The following SNRNP70 variants were observed in gnomAD, a reference collection of about 807,000 sequenced individuals.
The protein encoded by SNRNP70 is U1 small nuclear ribonucleoprotein 70 kDa.
SNRNP70 carries 8 observed loss-of-function variants against 50.5 expected under a neutral mutation model. The observed-to-expected ratio is 0.16, with a 90% CI of 0.09 to 0.29. SNRNP70 has a LOEUF of 0.29. SNRNP70 is among the 10% of genes least tolerant of loss of function. The probability of loss-of-function intolerance (pLI) is 1.00; values close to 1 mark genes in which losing one functional copy is unlikely to be tolerated. For missense variants in SNRNP70, 529 were observed against 663.5 expected, an observed-to-expected ratio of 0.80 and a Z score of 2.23; for synonymous variants, 320 against 252.9, an observed-to-expected ratio of 1.27 and a Z score of -2.52.
Position 49,104,597 on chromosome 19 carries a change from G to T in SNRNP70, c.476-37G>T. On this transcript the variant is annotated intron_variant, in intron 7 of 9. Coordinates refer to ENST00000598441, the MANE Select transcript of SNRNP70 (RefSeq NM_003089.6). The surrounding 1 kb of genome is among the most constrained non-coding windows in gnomAD (Gnocchi z 5.4). Reference sequence around the variant, plus strand: ...TGTCCTGACTAGAGGACCCTCTGGGGACTCCTCTCCCCTCCCCCTCCCCAC... The same window carrying T: ...TGTCCTGACTAGAGGACCCTCTGGGTACTCCTCTCCCCTCCCCCTCCCCAC... 6.7e-7 allele frequency: 1 copy of T among 1,495,068 alleles called. No homozygotes were observed. 92.6% of individuals were successfully genotyped at this position (1,495,068 alleles called of 1,614,324 possible). A position where few individuals can be genotyped will look rare whatever the true frequency, so the allele number is the denominator to read the frequency against.
At chr19:49,087,213 AC>A (rs1346586986) in intron 2 of SNRNP70, among the ~76,000 whole-genome samples, 1 of 149,894 alleles carries the variant, frequency 6.7e-6, no homozygotes, top group Non-Finnish European at 1.5e-5. Flanking sequence ...GGTTGATAGT[AC>A]ACCTTTTGTA....
In SNRNP70 at chr19:49,107,179, G is replaced by T. The variant is rs1339692057; in HGVS notation, c.578-446G>T. ...GCCAAGAGCCGCGGCTCAGACGCTAGCAGGGCCCGCTCTTGCTGCCTCTAC... is the reference window on the plus strand; with the variant it reads ...GCCAAGAGCCGCGGCTCAGACGCTATCAGGGCCCGCTCTTGCTGCCTCTAC... On this transcript the variant is annotated intron_variant, in intron 8 of 9. Coordinates refer to ENST00000598441, the MANE Select transcript of SNRNP70 (RefSeq NM_003089.6). This position sits in a 1 kb window ranked among gnomAD's most constrained non-coding sequence, Gnocchi z 6.0. Among the ~76,000 whole-genome samples the T allele has an allele frequency of 6.6e-6, 1 of 152,218 alleles. No homozygotes were observed. The highest frequency in any genetic ancestry group is 2.4e-5 in the African/African-American group (1 of 41,458).
At chr19:49,101,671 C>CGT (rs375331090) in intron 7 of SNRNP70, 200 bp downstream of exon 7, 181 of 566,090 alleles carry the variant, frequency 3.2e-4, no homozygotes, top group South Asian at 1.7e-3. Context: ...TCCCCCACAA[C>CGT]GTGTGTGTGT....
chr19:49,091,839 C>T (rs1394854086), intron 4 of SNRNP70, among the ~76,000 whole-genome samples: 2 of 152,206 alleles, frequency 1.3e-5, no homozygotes, highest in African/African-American at 4.8e-5. Context: ...GGGGTTTTCC[C>T]TCGCCACCAA....
chr19:49,096,063 G>A (rs991028190), intron 4 of SNRNP70, among the ~76,000 whole-genome samples: 6 of 149,798 alleles, frequency 4.0e-5, no homozygotes, highest in East Asian at 2.0e-4. Context: ...GGCAAGGAAC[G>A]TTTTTTGTTT....
At chr19:49,102,072 A>G in intron 7 of SNRNP70, 1 of 1,099,740 alleles carries the variant, frequency 9.1e-7, no homozygotes, top group Non-Finnish European at 1.2e-6. Flanking sequence ...CGGCGTGTCC[A>G]GGGGCCGCCG....
chr19:49,092,257 C>T (rs147181867), intron 4 of SNRNP70, among the ~76,000 whole-genome samples: 2,314 of 152,040 alleles, frequency 0.015, 52 homozygotes, highest in African/African-American at 0.052. Context: ...TACAGGCGTG[C>T]GTCACCACGC....
intron 8 of SNRNP70, among the ~76,000 whole-genome samples, chr19:49,106,501 AGT>A (rs1490452182): frequency 6.6e-6 from 1 of 152,192 alleles, no homozygotes; most frequent in Non-Finnish European, 1.5e-5. Context: ...AGGAAAGGCT[AGT>A]CTAGCTGCCC....
Position 49,097,918 on chromosome 19 carries a change from C to T in SNRNP70, c.266-509C>T, listed in dbSNP as rs575715418. On this transcript the variant is annotated intron_variant, in intron 4 of 9. Transcript: ENST00000598441. ...CAGAGCTTACTTAGTGTTTGCTTTC[C>T]TGGCTCTCATTCTTAGCCTTGGGGC... Among the ~76,000 whole-genome samples the T allele has an allele frequency of 2.0e-5, 3 of 152,316 alleles. No homozygotes were observed. In the South Asian group the frequency reaches 6.2e-4, roughly 32 times the overall value.
At chr19:49,099,030 T>C (rs117167710) in intron 6 of SNRNP70, among the ~76,000 whole-genome samples, 4,484 of 152,286 alleles carry the variant, frequency 0.029, 91 homozygotes, top group Middle Eastern at 0.065. Context: ...GTTGCAACAG[T>C]ATACGGCCGT....
chr19:49,099,276 C>T (rs1046199470), intron 6 of SNRNP70, among the ~76,000 whole-genome samples: 4 of 152,212 alleles, frequency 2.6e-5, no homozygotes, highest in East Asian at 3.9e-4. Context: ...GTTTCTGATA[C>T]GTCTTTTAAA....
chr19:49,092,102 G>T (rs1228315017), intron 4 of SNRNP70, among the ~76,000 whole-genome samples: 1 of 148,166 alleles, frequency 6.7e-6, no homozygotes, highest in Admixed American at 6.6e-5. Context: ...ATGTCTTTTT[G>T]TTTGTTTGTT....
intron 4 of SNRNP70, among the ~76,000 whole-genome samples, chr19:49,097,623 T>G (rs2040529929): frequency 6.6e-6 from 1 of 152,084 alleles, no homozygotes; most frequent in African/African-American, 2.4e-5. Flanking sequence ...ACCGGCAGAG[T>G]GTCCTTAAGG....
intron 2 of SNRNP70, 41 bp from the exon 3 acceptor site, chr19:49,090,250 C>T (rs2122314549): frequency 6.3e-7 from 1 of 1,579,256 alleles, no homozygotes; most frequent in Non-Finnish European, 8.7e-7. Flanking sequence ...TGCCATTTCC[C>T]CCAGTCCTTC....
chr19:49,090,862 C>G (rs557873553), intron 4 of SNRNP70, among the ~76,000 whole-genome samples: 26 of 152,144 alleles, frequency 1.7e-4, no homozygotes, highest in Admixed American at 1.1e-3. Flanking sequence ...CCTTAGGTCC[C>G]CAACCCTTGG....
In SNRNP70 at chr19:49,108,005, C is replaced by T. The variant is rs2040698590; in HGVS notation, c.876C>T (p.Ser292=). ...AGGACCGGGACCGGAAGCGGCGAAG[C>T]AGCCGGAGTCGGGAGCGGGCCCGGC... ...KDKDRDRKRR[S]SRSRERARRE... is the part of the protein sequence containing the mutation. The change falls in exon 10 of 10, where the codon AGC becomes AGT. Residue 292 remains serine (S), a synonymous_variant. Transcript: ENST00000598441. 1 of 1,547,578 alleles carries T rather than the reference C, an allele frequency of 6.5e-7. No individual in the cohort carries two copies. The highest frequency in any genetic ancestry group is 1.4e-5 in the African/African-American group (1 of 72,990).
In SNRNP70 at chr19:49,098,660, T is replaced by C; in HGVS notation, c.349T>C (p.Ser117Pro). The change falls in exon 6 of 10, where the codon TCC (serine) becomes CCC (proline). Residue 117 changes from serine (S) to proline (P), a missense_variant. Ser to Pro is a moderately conservative substitution (Grantham distance 74, BLOSUM62 -1). Coordinates refer to ENST00000598441, the MANE Select transcript of SNRNP70 (RefSeq NM_003089.6). ...VARVNYDTTE[S>P]KLRREFEVYG... ...CTTGTAGAATTATGACACAACAGAA[T>C]CCAAGCTCCGGAGAGAGTTTGAGGT... 1 of 1,614,038 alleles carries C rather than the reference T, an allele frequency of 6.2e-7. No individual in the cohort carries two copies. The highest frequency in any genetic ancestry group is 8.5e-7 in the Non-Finnish European group (1 of 1,179,954).
At chr19:49,090,376 C>T (rs141339800) in intron 3 of SNRNP70, 23 bp downstream of exon 3, 5 of 1,613,512 alleles carry the variant, frequency 3.1e-6, no homozygotes, top group Middle Eastern at 1.6e-4. Flanking sequence ...TGCTTCCTGA[C>T]CCCCTGTTTT....
intron 2 of SNRNP70, chr19:49,087,646 G>A (rs2040398548): frequency 6.6e-6 from 1 of 152,190 alleles, no homozygotes; most frequent in Admixed American, 6.5e-5. Context: ...TCATCTCTTA[G>A]GTGCATCAGA....
Sources: gnomAD v4.1 joint callset for allele counts (sites outside exome capture counted in the v4.1 genomes callset) on GRCh38, gnomAD v4.1.1 for gene constraint, Gnocchi (gnomAD v3.1) non-coding constraint, MANE v1.5 for transcripts, NCBI Gene and HGNC (gene_info 2026-07-23, HGNC 2026-07-21) for gene names.